The following GSK3B variants were observed in gnomAD, a reference collection of about 807,000 sequenced individuals.
The protein encoded by GSK3B is glycogen synthase kinase 3 beta.
In GSK3B, 15 loss-of-function variants were observed where a neutral mutation model predicts 56.4. The ratio of observed to expected loss-of-function variants is 0.27; its 90% CI spans 0.18 to 0.41. GSK3B has a LOEUF of 0.41. GSK3B is among the 10% of genes least tolerant of loss of function. The pLI is 1.00. For synonymous variants in GSK3B, 181 were observed against 188.9 expected (o/e 0.96, Z 0.34); for missense variants, 300 against 513.4 (o/e 0.58, Z 4.02).
intron 9 of GSK3B, among the ~76,000 whole-genome samples, 184 bp downstream of exon 9, chr3:119,863,235 C>G (rs902434395): frequency 1.3e-5 from 2 of 152,206 alleles, no homozygotes. Context: ...CTTTTACGTG[C>G]TACTCTTCTG....
At chr3:119,997,695 A>G (rs2057633303) in intron 2 of GSK3B, among the ~76,000 whole-genome samples, 1 of 152,206 alleles carries the variant, frequency 6.6e-6, no homozygotes, top group Admixed American at 6.5e-5. Flanking sequence ...AACACTCAAA[A>G]TATGCTGTTA....
intron 6 of GSK3B, among the ~76,000 whole-genome samples, chr3:119,907,104 CTG>C (rs2056689984): frequency 6.6e-6 from 1 of 152,026 alleles, no homozygotes; most frequent in African/African-American, 2.4e-5. Flanking sequence ...GTAATACTAA[CTG>C]TTATAGTCAA....
At chr3:119,965,339 C>T (rs1302514406) in intron 2 of GSK3B, among the ~76,000 whole-genome samples, 2 of 151,032 alleles carry the variant, frequency 1.3e-5, no homozygotes, top group Non-Finnish European at 2.9e-5. Context: ...GCTGAGACTA[C>T]AGGTGTTAGC....
At chr3:119,922,224 A>AGGGAG (rs1559837858) in intron 4 of GSK3B, among the ~76,000 whole-genome samples, 1 of 95,096 alleles carries the variant, frequency 1.1e-5, no homozygotes, top group African/African-American at 4.7e-5. Context: ...GAAGGAAGGA[A>AGGGAG]GGAGGGAAGG....
chr3:119,917,891 T>C (rs1259017540), intron 4 of GSK3B, among the ~76,000 whole-genome samples: 1 of 152,106 alleles, frequency 6.6e-6, no homozygotes, highest in African/African-American at 2.4e-5. Flanking sequence ...ACTAGAATGA[T>C]AGCAAAAACA....
At chr3:119,895,672 C>G (rs978874208) in intron 7 of GSK3B, among the ~76,000 whole-genome samples, 1 of 152,086 alleles carries the variant, frequency 6.6e-6, no homozygotes, top group Non-Finnish European at 1.5e-5. Flanking sequence ...ACTATTGTTT[C>G]CCCATTGAAT....
chr3:119,969,833 T>C (rs6772172), intron 2 of GSK3B, among the ~76,000 whole-genome samples: 2,776 of 152,304 alleles, frequency 0.018, 93 homozygotes, highest in African/African-American at 0.064. Context: ...AGTCCAAAAA[T>C]AATAAATGGA....
intron 10 of GSK3B, among the ~76,000 whole-genome samples, chr3:119,839,935 T>C (rs2055748477): frequency 6.6e-6 from 1 of 152,220 alleles, no homozygotes; most frequent in South Asian, 2.1e-4. Context: ...TTAGAAATTC[T>C]TTGAAAATTT....
chr3:119,960,374 T>C (rs1307009153), intron 2 of GSK3B, among the ~76,000 whole-genome samples: 1 of 152,070 alleles, frequency 6.6e-6, no homozygotes, highest in Non-Finnish European at 1.5e-5. Context: ...TCTGTATCTT[T>C]ACTATCATGG....
intron 3 of GSK3B, among the ~76,000 whole-genome samples, chr3:119,946,062 A>G (rs1333777277): frequency 6.6e-6 from 1 of 151,962 alleles, no homozygotes; most frequent in East Asian, 1.9e-4. Context: ...AATCCCTAGT[A>G]AACCAGAGGT....
intron 2 of GSK3B, among the ~76,000 whole-genome samples, chr3:119,951,920 C>A (rs1406305491): frequency 1.3e-5 from 2 of 150,592 alleles, no homozygotes; most frequent in Non-Finnish European, 3.0e-5. Flanking sequence ...AAATGAGATT[C>A]ACTATGTCCT....
intron 4 of GSK3B, among the ~76,000 whole-genome samples, chr3:119,923,053 T>G (rs2056858838): frequency 6.6e-6 from 1 of 152,218 alleles, no homozygotes; most frequent in African/African-American, 2.4e-5. Flanking sequence ...CGCTCCTATT[T>G]TGGTTTGTGG....
At chr3:119,879,008 A>C (rs1559819864) in intron 7 of GSK3B, among the ~76,000 whole-genome samples, 1 of 152,168 alleles carries the variant, frequency 6.6e-6, no homozygotes, top group Non-Finnish European at 1.5e-5. Context: ...AAAACTTATC[A>C]AGTTGAATAC....
intron 3 of GSK3B, 144 bp downstream of exon 3, chr3:119,947,124 C>T (rs1559848256): frequency 1.7e-6 from 1 of 593,676 alleles, no homozygotes; most frequent in African/African-American, 1.9e-5. Flanking sequence ...AATGACCATA[C>T]CTTGGGCTGA....
intron 9 of GSK3B, among the ~76,000 whole-genome samples, chr3:119,854,457 T>A (rs2055988197): frequency 6.6e-6 from 1 of 152,204 alleles, no homozygotes; most frequent in East Asian, 1.9e-4. Flanking sequence ...GAGAATTCCC[T>A]CTTTTTCTAT....
intron 2 of GSK3B, among the ~76,000 whole-genome samples, chr3:119,947,683 C>G (rs1452104973): frequency 6.6e-6 from 1 of 151,774 alleles, no homozygotes; most frequent in Non-Finnish European, 1.5e-5. Flanking sequence ...TCTAGCAATT[C>G]ATTTGTATAT....
intron 1 of GSK3B, among the ~76,000 whole-genome samples, chr3:120,008,296 C>T (rs1275981697): frequency 5.9e-5 from 9 of 152,102 alleles, no homozygotes. Context: ...GTGAAAATGG[C>T]CTTACTGCCC....
At chr3:119,946,255 GCACTGTAATGTAAA>G (rs1242757233) in intron 3 of GSK3B, among the ~76,000 whole-genome samples, 1 of 151,864 alleles carries the variant, frequency 6.6e-6, no homozygotes, top group Non-Finnish European at 1.5e-5. Flanking sequence ...TATATAATAG[GCACTGTAATGTAAA>G]AAGACTTTCT....
intron 2 of GSK3B, among the ~76,000 whole-genome samples, chr3:119,966,419 C>T (rs2057318610): frequency 6.6e-6 from 1 of 152,110 alleles, no homozygotes; most frequent in Admixed American, 6.5e-5. Flanking sequence ...AATATTTCAT[C>T]CTACATCTTA....
Sources: gnomAD v4.1 joint callset for allele counts (sites outside exome capture counted in the v4.1 genomes callset) on GRCh38, gnomAD v4.1.1 for gene constraint, MANE v1.5 for transcripts, NCBI Gene and HGNC (gene_info 2026-07-23, HGNC 2026-07-21) for gene names.